Variants in CACNA2D3 observed in about 807,000 individuals in gnomAD.
CACNA2D3 encodes voltage-dependent calcium channel subunit alpha-2/delta-3.
CACNA2D3 carries 60 observed loss-of-function variants against 160.6 expected under a neutral mutation model. That is an observed-to-expected ratio of 0.37 (90% confidence interval 0.30 to 0.46). The LOEUF is 0.46. CACNA2D3 is among the 20% of genes least tolerant of loss of function. The pLI is 1.00. For missense variants in CACNA2D3, 1,205 were observed against 1,365.0 expected, an observed-to-expected ratio of 0.88 and a Z score of 1.85; for synonymous variants, 558 against 492.9, an observed-to-expected ratio of 1.13 and a Z score of -1.75.
chr3:54,996,246 G>T (rs1702856890), intron 31 of CACNA2D3, among the ~76,000 whole-genome samples: 2 of 152,158 alleles, frequency 1.3e-5, no homozygotes, highest in Admixed American at 1.3e-4. Context: ...GCTTCAAATG[G>T]GTTTTGCATT....
intron 11 of CACNA2D3, among the ~76,000 whole-genome samples, chr3:54,709,026 T>C (rs963127512): frequency 7.2e-6 from 1 of 139,330 alleles, no homozygotes; most frequent in African/African-American, 2.5e-5. Context: ...TTTTTTTTTT[T>C]CAAGATGGAG....
intron 4 of CACNA2D3, among the ~76,000 whole-genome samples, chr3:54,432,609 A>C (rs1272672393): frequency 2.6e-5 from 4 of 152,256 alleles, no homozygotes; most frequent in Admixed American, 2.6e-4. Context: ...CTCCCCACCC[A>C]GGCTTGGTTA....
intron 14 of CACNA2D3, among the ~76,000 whole-genome samples, chr3:54,834,604 A>G (rs995264426): frequency 6.6e-6 from 1 of 152,232 alleles, no homozygotes. Flanking sequence ...TGTTTATTAT[A>G]TTGATGAATT....
chr3:54,536,294 A>G (rs1701888203), intron 5 of CACNA2D3, among the ~76,000 whole-genome samples: 1 of 152,186 alleles, frequency 6.6e-6, no homozygotes, highest in Non-Finnish European at 1.5e-5. Flanking sequence ...GGGTCATTGG[A>G]TTATAGGTTG....
At chr3:54,692,122 C>T (rs111526240) in intron 11 of CACNA2D3, among the ~76,000 whole-genome samples, 8 of 152,134 alleles carry the variant, frequency 5.3e-5, no homozygotes, top group African/African-American at 9.6e-5. Flanking sequence ...TACAGGCATG[C>T]GCCACCATGC....
At chr3:54,727,765 TG>T (rs1409816821) in intron 11 of CACNA2D3, among the ~76,000 whole-genome samples, 2 of 152,024 alleles carry the variant, frequency 1.3e-5, no homozygotes, top group Non-Finnish European at 2.9e-5. Flanking sequence ...CAGTGGCTGG[TG>T]GGGGCAGGGA....
chr3:54,567,809 C>T (rs759155400), intron 6 of CACNA2D3, among the ~76,000 whole-genome samples: 5 of 152,138 alleles, frequency 3.3e-5, no homozygotes, highest in Non-Finnish European at 5.9e-5. Flanking sequence ...GGATTACAGG[C>T]GTGAGCCACT....
At chr3:54,818,956 A>C (rs1001487300) in intron 14 of CACNA2D3, among the ~76,000 whole-genome samples, 1 of 152,204 alleles carries the variant, frequency 6.6e-6, no homozygotes, top group South Asian at 2.1e-4. Flanking sequence ...GGAGGGTAAG[A>C]GGAGTTGAGG....
In CACNA2D3 at chr3:54,806,122, G is replaced by A. The variant is rs368140780; in HGVS notation, c.1381-10731G>A. On this transcript the variant is annotated intron_variant, in intron 13 of 37. Coordinates refer to ENST00000474759, the MANE Select transcript of CACNA2D3 (RefSeq NM_018398.3). ...TACTGAATGGGCAAAAACTGGAAGC[G>A]TTCCCTTTGAAAACTGACACAAGAC... 2.4e-3 allele frequency among the ~76,000 whole-genome samples: 371 copies of A among 152,198 alleles called. 2 individuals carry two copies. Among genetic ancestry groups the A allele is most frequent in the African/African-American group, 6.3e-3 (263 of 41,522 alleles).
chr3:54,450,423 C>G (rs1700286560), intron 4 of CACNA2D3, among the ~76,000 whole-genome samples: 1 of 152,236 alleles, frequency 6.6e-6, no homozygotes, highest in Admixed American at 6.5e-5. Flanking sequence ...AATCTCTGCT[C>G]TAGTTTGAAT....
At position 55,050,465 on chromosome 3, in the gene CACNA2D3, A is replaced by G. The variant is rs936054423; in HGVS notation, c.2988-22980A>G. ...CTTCTGGCTTGTAGAGTTTCTGCCG[A>G]GAGATCCGCTGTTAGTCTGATGGGC... On this transcript the variant is annotated intron_variant, in intron 35 of 37. Transcript: ENST00000474759. Among the ~76,000 whole-genome samples, 180 of 151,472 alleles carry G rather than the reference A, an allele frequency of 1.2e-3. 1 individual carries two copies. Among genetic ancestry groups the G allele is most frequent in the African/African-American group, 4.0e-3 (167 of 41,242 alleles).
At chr3:54,626,799 A>G (rs1040329947) in intron 9 of CACNA2D3, among the ~76,000 whole-genome samples, 1 of 152,050 alleles carries the variant, frequency 6.6e-6, no homozygotes, top group African/African-American at 2.4e-5. Flanking sequence ...TGGGTCACTC[A>G]TACATGCATG....
At chr3:54,515,018 T>G (rs1701524975) in intron 5 of CACNA2D3, among the ~76,000 whole-genome samples, 1 of 152,174 alleles carries the variant, frequency 6.6e-6, no homozygotes, top group African/African-American at 2.4e-5. Context: ...ATGGCATCCT[T>G]TTATCATGGA....
chr3:54,574,737 T>C (rs982743830), intron 8 of CACNA2D3, among the ~76,000 whole-genome samples: 2 of 152,228 alleles, frequency 1.3e-5, no homozygotes, highest in African/African-American at 4.8e-5. Flanking sequence ...TTCTGTCCGA[T>C]GTTGAAATTT....
At chr3:54,161,719 A>G (rs1700348469) in intron 2 of CACNA2D3, among the ~76,000 whole-genome samples, 1 of 152,232 alleles carries the variant, frequency 6.6e-6, no homozygotes, top group Non-Finnish European at 1.5e-5. Context: ...TCATGATATG[A>G]AAAGCATCAT....
intron 11 of CACNA2D3, among the ~76,000 whole-genome samples, chr3:54,738,978 C>A (rs1701586144): frequency 6.6e-6 from 1 of 152,082 alleles, no homozygotes; most frequent in Non-Finnish European, 1.5e-5. Flanking sequence ...GACCTCATCA[C>A]CACAAAACAT....
chr3:54,266,584 A>G (rs4928027), intron 2 of CACNA2D3, among the ~76,000 whole-genome samples: 109,764 of 152,048 alleles, frequency 0.72, 40,129 homozygotes, highest in African/African-American at 0.85. Context: ...TTCACACCAA[A>G]GTCTGTCATG....
At chr3:54,457,134 T>A (rs1700412896) in intron 4 of CACNA2D3, among the ~76,000 whole-genome samples, 1 of 152,036 alleles carries the variant, frequency 6.6e-6, no homozygotes, top group Non-Finnish European at 1.5e-5. Flanking sequence ...TTTTTCTAGT[T>A]CATTGAGGTG....
intron 3 of CACNA2D3, among the ~76,000 whole-genome samples, chr3:54,323,670 G>A (rs991636718): frequency 6.6e-6 from 1 of 152,102 alleles, no homozygotes; most frequent in Non-Finnish European, 1.5e-5. Flanking sequence ...GTTTCACTGT[G>A]TTAGCCAGGA....
Sources: allele counts gnomAD v4.1 joint callset (sites outside exome capture counted in the v4.1 genomes callset), GRCh38; gene constraint gnomAD v4.1.1; transcripts MANE v1.5; gene names NCBI Gene and HGNC (gene_info 2026-07-23, HGNC 2026-07-21).